GRIK4: variants seen among roughly 807,000 people sequenced by gnomAD.
The protein encoded by GRIK4 is glutamate receptor ionotropic, kainate 4.
Under a neutral mutation model 104.9 loss-of-function variants are expected in GRIK4, and 40 were observed. The observed-to-expected ratio is 0.38, with a 90% confidence interval of 0.30 to 0.50. GRIK4 has a LOEUF of 0.50. Among genes scored for constraint, GRIK4 ranks in the 20% least tolerant of loss-of-function variants. GRIK4 has a pLI of 0.93. For missense variants in GRIK4, 1,047 were observed against 1,308.1 expected, an observed-to-expected ratio of 0.80 and a Z score of 3.08; for synonymous variants, 485 against 524.9, an observed-to-expected ratio of 0.92 and a Z score of 1.04.
At chr11:120,832,084 C>T in intron 7 of GRIK4, 54 bp downstream of exon 7, 1 of 1,327,356 alleles carries the variant, frequency 7.5e-7, no homozygotes, top group South Asian at 1.4e-5. Context: ...CTCCCCCCTC[C>T]TTGCCTTGAG....
Position 120,751,239 on chromosome 11 carries a change from C to A in GRIK4, c.83-51454C>A, listed in dbSNP as rs1438413230. 5.3e-5 allele frequency among the ~76,000 whole-genome samples: 8 copies of A among 152,002 alleles called. No individual in the cohort carries two copies. The East Asian group carries it at 1.6e-3, about 30-fold the overall frequency. On this transcript the variant is annotated intron_variant, in intron 3 of 20. Transcript: ENST00000527524. The stretch of plus-strand genomic sequence containing the variant: ...CCTGGCAGGGGCAGGCAGAGCCTTG[C>A]CAGTGGGAAGCACGTGGCAAGGAAG...
intron 13 of GRIK4, among the ~76,000 whole-genome samples, chr11:120,927,668 A>G (rs769235937): frequency 7.9e-5 from 12 of 152,156 alleles, no homozygotes; most frequent in Non-Finnish European, 4.4e-5. Flanking sequence ...TCCTTCAATT[A>G]TGAATGTGGT....
intron 1 of GRIK4, among the ~76,000 whole-genome samples, chr11:120,520,286 C>T (rs1947781173): frequency 6.6e-6 from 1 of 152,254 alleles, no homozygotes; most frequent in Non-Finnish European, 1.5e-5. Flanking sequence ...GCCCCAGTCC[C>T]AGCCCGTCCA....
chr11:120,857,313 C>T (rs1171520949), intron 8 of GRIK4, among the ~76,000 whole-genome samples: 1 of 152,128 alleles, frequency 6.6e-6, no homozygotes, highest in Non-Finnish European at 1.5e-5. Context: ...GGACATGGCA[C>T]GTCTGCTGCA....
intron 3 of GRIK4, among the ~76,000 whole-genome samples, chr11:120,779,793 C>T (rs759130702): frequency 6.6e-6 from 1 of 152,214 alleles, no homozygotes; most frequent in South Asian, 2.1e-4. Context: ...CTTAGCTAGG[C>T]AGGTAGTATT....
At chr11:120,684,841 C>T (rs1052899492) in intron 3 of GRIK4, among the ~76,000 whole-genome samples, 3 of 152,294 alleles carry the variant, frequency 2.0e-5, no homozygotes, top group African/African-American at 7.2e-5. Flanking sequence ...CTCCGAGTAG[C>T]TGGGACTACA....
intron 16 of GRIK4, among the ~76,000 whole-genome samples, chr11:120,960,275 G>A (rs1284838623): frequency 6.6e-6 from 1 of 152,200 alleles, no homozygotes; most frequent in East Asian, 1.9e-4. Context: ...GTTGCAGAGA[G>A]CAGAGATTGT....
chr11:120,859,380 CA>C (rs1954200902), intron 8 of GRIK4: 1 of 152,184 alleles, frequency 6.6e-6, no homozygotes, highest in African/African-American at 2.4e-5. Flanking sequence ...GTCAAACAGC[CA>C]GTATGGTAAG....
chr11:120,856,024 T>C (rs372208810), intron 8 of GRIK4, among the ~76,000 whole-genome samples: 28 of 152,256 alleles, frequency 1.8e-4, no homozygotes, highest in East Asian at 1.5e-3. Flanking sequence ...AGGAAGGAGA[T>C]TGGGGCAGTG....
intron 19 of GRIK4, among the ~76,000 whole-genome samples, chr11:120,972,950 A>G (rs1274378937): frequency 1.3e-5 from 2 of 152,044 alleles, no homozygotes; most frequent in Non-Finnish European, 2.9e-5. Context: ...GTTTTCCTTA[A>G]CTCCAGACAA....
intron 11 of GRIK4, among the ~76,000 whole-genome samples, chr11:120,888,797 A>G (rs1342303532): frequency 1.3e-5 from 2 of 152,206 alleles, no homozygotes; most frequent in Non-Finnish European, 2.9e-5. Context: ...ACCCTGATCT[A>G]TTCTAGGTAT....
At chr11:120,553,194 G>A (rs1476298294) in intron 1 of GRIK4, among the ~76,000 whole-genome samples, 1 of 152,154 alleles carries the variant, frequency 6.6e-6, no homozygotes, top group African/African-American at 2.4e-5. Context: ...TGCCCAGCCA[G>A]TGTGTGTGTG....
chr11:120,774,936 C>T (rs73576580), intron 3 of GRIK4, among the ~76,000 whole-genome samples: 1,760 of 152,292 alleles, frequency 0.012, 31 homozygotes, highest in African/African-American at 0.04. Flanking sequence ...ATGAGTGACA[C>T]TCTACCACAG....
At chr11:120,717,415 G>A (rs1049682449) in intron 3 of GRIK4, among the ~76,000 whole-genome samples, 63 of 152,256 alleles carry the variant, frequency 4.1e-4, no homozygotes, top group Admixed American at 1.4e-3. Flanking sequence ...GCTCACAGGC[G>A]GATGAGCATG....
chr11:120,825,951 C>A (rs1290174464), intron 6 of GRIK4, among the ~76,000 whole-genome samples: 4 of 152,114 alleles, frequency 2.6e-5, no homozygotes, highest in African/African-American at 7.2e-5. Flanking sequence ...CCTGTGCTGT[C>A]CCCCGGAGGC....
At chr11:120,592,032 G>A (rs895813887) in intron 1 of GRIK4, among the ~76,000 whole-genome samples, 3 of 152,196 alleles carry the variant, frequency 2.0e-5, no homozygotes, top group Non-Finnish European at 2.9e-5. Flanking sequence ...GCCCTAGAAT[G>A]CAGGTGGACC....
At chr11:120,898,436 A>T (rs1160075324) in intron 11 of GRIK4, 96 bp from the exon 12 acceptor site, 1 of 716,264 alleles carries the variant, frequency 1.4e-6, no homozygotes, top group Non-Finnish European at 2.5e-6. Context: ...CTCCCTGCTC[A>T]CATGCAGCCC....
intron 3 of GRIK4, among the ~76,000 whole-genome samples, chr11:120,732,744 T>C (rs1951157640): frequency 6.6e-6 from 1 of 152,244 alleles, no homozygotes; most frequent in East Asian, 1.9e-4. Context: ...TAAGGCTTGT[T>C]TTGTGACGTA....
intron 11 of GRIK4, among the ~76,000 whole-genome samples, chr11:120,890,797 T>G (rs1239479180): frequency 6.6e-6 from 1 of 152,180 alleles, no homozygotes; most frequent in Non-Finnish European, 1.5e-5. Flanking sequence ...GCAGAGCACA[T>G]GGCTGAGTGC....
Sources: gnomAD v4.1 joint callset for allele counts (sites outside exome capture counted in the v4.1 genomes callset) on GRCh38, gnomAD v4.1.1 for gene constraint, MANE v1.5 for transcripts, NCBI Gene and HGNC (gene_info 2026-07-23, HGNC 2026-07-21) for gene names.